Variants in HIPK3 observed in about 807,000 individuals in gnomAD.
HIPK3 encodes homeodomain interacting protein kinase 3.
Under a neutral mutation model 124.2 loss-of-function variants are expected in HIPK3, and 47 were observed. The observed-to-expected ratio is 0.38, with a 90% CI of 0.30 to 0.48. The LOEUF is 0.48. Among genes scored for constraint, HIPK3 ranks in the 20% least tolerant of loss-of-function variants. The pLI, the probability that HIPK3 is intolerant of heterozygous loss-of-function variation, is 0.98. For synonymous variants in HIPK3, 482 were observed against 515.2 expected (o/e 0.94, Z 0.87); for missense variants, 1,286 against 1,454.3 (o/e 0.88, Z 1.88).
In HIPK3 at chr11:33,320,484, T is replaced by C. The variant is rs761819473; in HGVS notation, c.1098-8026T>C. Among the ~76,000 whole-genome samples, 26 of 152,104 alleles carry C rather than the reference T, an allele frequency of 1.7e-4. 1 individual carries two copies. On this transcript the variant is annotated intron_variant, in intron 2 of 16. Coordinates refer to ENST00000303296, the MANE Select transcript of HIPK3 (RefSeq NM_005734.5). Reference sequence around the variant, plus strand: ...GACATGGTCTGATTTGTGTACTAAATGGATCACTCAGACTGCTAGAATGAG... The same window carrying C: ...GACATGGTCTGATTTGTGTACTAAACGGATCACTCAGACTGCTAGAATGAG...
intron 2 of HIPK3, among the ~76,000 whole-genome samples, chr11:33,287,888 T>A (rs1851599068): frequency 6.6e-6 from 1 of 152,216 alleles, no homozygotes; most frequent in African/African-American, 2.4e-5. Flanking sequence ...TTATTAAAGA[T>A]ATAATCAATC....
chr11:33,328,592 C>A lies in HIPK3; in HGVS notation c.1180C>A (p.Leu394Ile). ...GGGATGTGTGATTGCAGAATTATTT[C>A]TTGGATGGCCGCTCTACCCAGGAGC... Reference protein sequence around the residue: ...SLGCVIAELFLGWPLYPGALE... With the variant: ...SLGCVIAELFIGWPLYPGALE... The change falls in exon 3 of 17, where the codon CTT becomes ATT. Residue 394 changes from leucine (L) to isoleucine (I), a missense_variant. Around this residue, in one of 3 missense-constraint regions of HIPK3, gnomAD observed 251 missense variants for 349.1 expected, o/e 0.72. Transcript: ENST00000303296. The A allele has an allele frequency of 5.0e-6, 8 of 1,613,652 alleles. No homozygotes were observed. The South Asian group carries it at 6.6e-5, about 13-fold the overall frequency.
chr11:33,319,052 A>G (rs78455077), intron 2 of HIPK3, among the ~76,000 whole-genome samples: 4,571 of 152,292 alleles, frequency 0.03, 92 homozygotes, highest in South Asian at 0.063. Flanking sequence ...AAACAATTCC[A>G]AAATTTGGTT....
chr11:33,347,326 A>T lies in HIPK3; in HGVS notation c.1931A>T (p.Tyr644Phe), dbSNP rs750849954. ...GCAACACATGGTAAACCCACCAGTT[A>T]TTCAATAAGGGTAGATAATACAGTT... is the stretch of plus-strand genomic sequence containing the variant. ...IPATHGKPTS[Y>F]SIRVDNTVPL... Residue 644 changes from tyrosine to phenylalanine, a missense_variant, in exon 9 of 17, where the codon TAT becomes TTT. Physicochemically the swap from Tyr to Phe is conservative, Grantham distance 22 (BLOSUM62 3). Coordinates refer to ENST00000303296, the MANE Select transcript of HIPK3 (RefSeq NM_005734.5). 1.2e-6 allele frequency: 2 copies of T among 1,613,650 alleles called. No individual in the cohort carries two copies. The highest frequency in any genetic ancestry group is 3.3e-5 in the Admixed American group (2 of 60,010).
intron 1 of HIPK3, among the ~76,000 whole-genome samples, chr11:33,266,856 T>C (rs1565052815): frequency 6.6e-6 from 1 of 152,364 alleles, no homozygotes; most frequent in East Asian, 1.9e-4. Flanking sequence ...AGTTTTATAG[T>C]TGAAGTATCT....
At chr11:33,258,802 C>G in intron 1 of HIPK3, 1 of 850,570 alleles carries the variant, frequency 1.2e-6, no homozygotes, top group Non-Finnish European at 1.4e-6. Context: ...AGTCGTAACA[C>G]GTTCAGGCCT....
At chr11:33,317,116 G>T (rs1249009379) in intron 2 of HIPK3, among the ~76,000 whole-genome samples, 1 of 151,766 alleles carries the variant, frequency 6.6e-6, no homozygotes. Context: ...AATTACAGGT[G>T]TGCGCCACCA....
intron 2 of HIPK3, among the ~76,000 whole-genome samples, chr11:33,307,755 G>GGTGTGTGTGT (rs150805766): frequency 1.2e-4 from 17 of 145,758 alleles, no homozygotes; most frequent in African/African-American, 4.3e-4. Context: ...TATTCTTGTT[G>GGTGTGTGTGT]GTGTGTGTGT....
intron 8 of HIPK3, among the ~76,000 whole-genome samples, chr11:33,344,942 AT>A (rs1853449470): frequency 6.6e-6 from 1 of 152,158 alleles, no homozygotes; most frequent in South Asian, 2.1e-4. Context: ...GTGTCAATCC[AT>A]TTACAAGAAA....
At chr11:33,338,689 C>A in intron 4 of HIPK3, 68 bp from the exon 5 acceptor site, 4 of 911,918 alleles carry the variant, frequency 4.4e-6, no homozygotes, top group Non-Finnish European at 6.8e-6. Context: ...ATATATTAGA[C>A]TAAATGTGCC....
At chr11:33,338,939 T>C (rs1853245907) in intron 5 of HIPK3, 96 bp downstream of exon 5, 2 of 754,780 alleles carry the variant, frequency 2.6e-6, no homozygotes, top group African/African-American at 3.5e-5. Flanking sequence ...TTTAAATGGC[T>C]ACAGAGTCCA....
intron 2 of HIPK3, among the ~76,000 whole-genome samples, chr11:33,321,627 A>G (rs770855925): frequency 3.9e-5 from 6 of 152,206 alleles, no homozygotes; most frequent in Non-Finnish European, 7.3e-5. Context: ...ATTTTAGTAA[A>G]GTAGAATACA....
At chr11:33,352,010 C>T in intron 15 of HIPK3, 128 bp from the exon 16 acceptor site, 1 of 1,064,148 alleles carries the variant, frequency 9.4e-7, no homozygotes, top group Admixed American at 2.3e-5. Flanking sequence ...GAAACCATGA[C>T]CTCTCCTTTG....
chr11:33,308,359 T>C (rs922899484), intron 2 of HIPK3, among the ~76,000 whole-genome samples: 1 of 152,202 alleles, frequency 6.6e-6, no homozygotes, highest in African/African-American at 2.4e-5. Flanking sequence ...TCCTTTGCAT[T>C]CTAGGTGAAT....
At chr11:33,257,189 G>T, upstream of HIPK3, 1 of 962,016 alleles carries the variant, frequency 1.0e-6, no homozygotes, top group Non-Finnish European at 1.2e-6. Flanking sequence ...TGGCAGGCGG[G>T]CTCCGGGCAA....
At chr11:33,332,914 C>T (rs1001941078) in intron 3 of HIPK3, among the ~76,000 whole-genome samples, 3 of 152,136 alleles carry the variant, frequency 2.0e-5, no homozygotes, top group African/African-American at 7.2e-5. Flanking sequence ...AGCTTACAAT[C>T]ATGGCAGAAG....
At chr11:33,257,253 G>A, upstream of HIPK3, 2 of 983,834 alleles carry the variant, frequency 2.0e-6, no homozygotes, top group Non-Finnish European at 2.4e-6. Context: ...CTTCACGGAG[G>A]CGCCGCGGCC....
intron 2 of HIPK3, among the ~76,000 whole-genome samples, chr11:33,300,801 C>A (rs945617539): frequency 1.3e-5 from 2 of 152,098 alleles, no homozygotes; most frequent in African/African-American, 4.8e-5. Flanking sequence ...GTGACATGAT[C>A]TTGGCTTACT....
intron 1 of HIPK3, among the ~76,000 whole-genome samples, chr11:33,278,568 A>C (rs1431971806): frequency 6.6e-6 from 1 of 152,200 alleles, no homozygotes; most frequent in Non-Finnish European, 1.5e-5. Context: ...TTGTTTTTTT[A>C]GCATGCTCAC....
Sources: allele counts gnomAD v4.1 joint callset (sites outside exome capture counted in the v4.1 genomes callset), GRCh38; gene constraint gnomAD v4.1.1; regional missense constraint gnomAD v4.1.1; transcripts MANE v1.5; gene names NCBI Gene and HGNC (gene_info 2026-07-23, HGNC 2026-07-21).